The following LMO7 variants were observed in gnomAD, a reference collection of about 807,000 sequenced individuals.
LMO7 encodes LIM domain only protein 7.
Under a neutral mutation model 206.5 loss-of-function variants are expected in LMO7, and 120 were observed. The observed-to-expected ratio is 0.58, with a 90% CI of 0.50 to 0.68. The LOEUF is 0.68. Ranked by LOEUF, LMO7 falls within the 30% of genes least tolerant of loss-of-function variation. The pLI, the probability that LMO7 is intolerant of heterozygous loss-of-function variation, is 0.00. For synonymous variants in LMO7, 706 were observed against 681.5 expected (o/e 1.04, Z -0.56); for missense variants, 1,959 against 1,957.9 (o/e 1.00, Z -0.01).
intron 4 of LMO7, among the ~76,000 whole-genome samples, chr13:75,777,890 C>T (rs923168576): frequency 4.6e-5 from 7 of 152,098 alleles, no homozygotes; most frequent in Non-Finnish European, 8.8e-5. Context: ...CGTGATCCGC[C>T]CGCCTCGGCC....
chr13:75,836,234 G>GA (rs1307427985), intron 18 of LMO7, among the ~76,000 whole-genome samples, 163 bp from the exon 19 acceptor site: 1 of 152,190 alleles, frequency 6.6e-6, no homozygotes, highest in Middle Eastern at 3.4e-3. Flanking sequence ...GAAGTATAAT[G>GA]AAAAAACTTA....
chr13:75,678,628 T>G (rs1230289869), intron 1 of LMO7, among the ~76,000 whole-genome samples: 1 of 152,194 alleles, frequency 6.6e-6, no homozygotes, highest in African/African-American at 2.4e-5. Flanking sequence ...CCCTCACACC[T>G]CTTCGGTGAG....
chr13:75,843,505 A>G (rs957786555), intron 25 of LMO7, among the ~76,000 whole-genome samples: 1 of 152,210 alleles, frequency 6.6e-6, no homozygotes, highest in Non-Finnish European at 1.5e-5. Context: ...CATAATCTTC[A>G]TTTTAAAAAG....
At position 75,727,075 on chromosome 13, in the gene LMO7, CTG is replaced by C. The variant is rs767634471; in HGVS notation, c.189_190del (p.Ser64TyrfsTer8). On this transcript the variant is annotated frameshift_variant, in exon 3 of 31. Coordinates refer to ENST00000377534, the MANE Select transcript of LMO7 (RefSeq NM_001306080.2). LOFTEE classifies it high-confidence loss of function. Reference sequence around the variant, plus strand: ...TGGCGTCATTAAGAAGATCAATAGACTGTCTACACCAATAGCAGGATTGGTAA... The same window carrying C: ...TGGCGTCATTAAGAAGATCAATAGACTCTACACCAATAGCAGGATTGGTAA... Reference protein sequence around the residue: ...KPGVIKKINRLSTPIAGLDNI... With the variant: ...KPGVIKKINRXSTPIAGLDNI... 1.3e-6 allele frequency: 2 copies of C among 1,585,078 alleles called. No individual in the cohort carries two copies. Among genetic ancestry groups the C allele is most frequent in the African/African-American group, 2.7e-5 (2 of 74,198 alleles).
chr13:75,737,813 G>A (rs1183504681), intron 3 of LMO7, among the ~76,000 whole-genome samples: 16 of 26,258 alleles, frequency 6.1e-4, no homozygotes, highest in Admixed American at 1.7e-3. Flanking sequence ...TTTTTACTTT[G>A]AAATAAATAT....
intron 4 of LMO7, among the ~76,000 whole-genome samples, chr13:75,787,578 A>G (rs1019768694): frequency 1.3e-5 from 2 of 152,200 alleles, no homozygotes; most frequent in African/African-American, 4.8e-5. Flanking sequence ...TGAATTTCTA[A>G]GTTTTTTTCT....
Position 75,805,768 on chromosome 13 carries a change from G to T in LMO7, c.1196+8G>T. 1 of 1,611,814 alleles carries T rather than the reference G, an allele frequency of 6.2e-7. No individual in the cohort carries two copies. The highest frequency in any genetic ancestry group is 1.1e-5 in the South Asian group (1 of 90,890). Reference sequence around the variant, plus strand: ...AGAATTTCAGGGATTCAGGTTTGTCGTTGTGCATGTTTCTGTCACACCAGT... The same window carrying T: ...AGAATTTCAGGGATTCAGGTTTGTCTTTGTGCATGTTTCTGTCACACCAGT... On this transcript the variant is annotated splice_region_variant and intron_variant, in intron 9 of 30. Coordinates refer to ENST00000377534, the MANE Select transcript of LMO7 (RefSeq NM_001306080.2).
intron 26 of LMO7, among the ~76,000 whole-genome samples, chr13:75,848,790 G>T (rs1355728233): frequency 6.6e-6 from 1 of 152,210 alleles, no homozygotes; most frequent in Non-Finnish European, 1.5e-5. Flanking sequence ...GGGATTGCTG[G>T]ATCAAATGGT....
intron 2 of LMO7, among the ~76,000 whole-genome samples, chr13:75,623,524 AG>A (rs2033618182): frequency 6.6e-6 from 1 of 151,880 alleles, no homozygotes; most frequent in East Asian, 1.9e-4. Context: ...CCACCATACC[AG>A]GCAAGTTTTT....
intron 15 of LMO7, among the ~76,000 whole-genome samples, chr13:75,831,530 T>A (rs2058667410): frequency 6.6e-6 from 1 of 152,158 alleles, no homozygotes; most frequent in African/African-American, 2.4e-5. Context: ...AAGAGGAGGT[T>A]TATTTGGCTC....
chr13:75,801,722 A>G (rs1007006184), intron 7 of LMO7, among the ~76,000 whole-genome samples: 3 of 152,198 alleles, frequency 2.0e-5, no homozygotes, highest in African/African-American at 2.4e-5. Context: ...ATCGACATCA[A>G]TGTGAAAACA....
intron 1 of LMO7, among the ~76,000 whole-genome samples, chr13:75,699,345 G>A (rs182047261): frequency 9.2e-5 from 14 of 151,718 alleles, no homozygotes; most frequent in Admixed American, 8.5e-4. Flanking sequence ...AGTTTGAGGT[G>A]TGACAACCAA....
intron 1 of LMO7, among the ~76,000 whole-genome samples, chr13:75,711,594 G>A (rs556639997): frequency 1.3e-5 from 2 of 152,130 alleles, no homozygotes; most frequent in Admixed American, 1.3e-4. Flanking sequence ...GCCCTGCTTC[G>A]GCTCACGCTC....
chr13:75,706,477 A>G (rs2042664052), intron 1 of LMO7, among the ~76,000 whole-genome samples: 1 of 152,320 alleles, frequency 6.6e-6, no homozygotes, highest in Non-Finnish European at 1.5e-5. Flanking sequence ...TGCAGTACAA[A>G]TGTTTTATAA....
intron 1 of LMO7, among the ~76,000 whole-genome samples, chr13:75,678,803 A>G (rs1016387241): frequency 6.6e-6 from 1 of 152,216 alleles, no homozygotes; most frequent in Non-Finnish European, 1.5e-5. Context: ...TAGATGTTCC[A>G]TGATTAACGT....
chr13:75,681,183 A>G (rs1044472820), intron 1 of LMO7, among the ~76,000 whole-genome samples: 1 of 152,096 alleles, frequency 6.6e-6, no homozygotes, highest in Non-Finnish European at 1.5e-5. Flanking sequence ...CCATTTGCCA[A>G]TTCTTACTTT....
At chr13:75,721,899 G>T (rs2044052776) in intron 2 of LMO7, among the ~76,000 whole-genome samples, 1 of 152,138 alleles carries the variant, frequency 6.6e-6, no homozygotes, top group Admixed American at 6.5e-5. Context: ...CAGAAATAAA[G>T]CCAAGTATTT....
At chr13:75,841,332 A>G in intron 23 of LMO7, 131 bp downstream of exon 23, 1 of 650,488 alleles carries the variant, frequency 1.5e-6, no homozygotes, top group Non-Finnish European at 2.7e-6. Context: ...TTTGAAAAAT[A>G]CAATGAGCTC....
At chr13:75,843,237 T>C (rs187354081) in intron 25 of LMO7, among the ~76,000 whole-genome samples, 1 of 152,322 alleles carries the variant, frequency 6.6e-6, no homozygotes, top group East Asian at 1.9e-4. Flanking sequence ...GGCTGTCAGC[T>C]GGGGCTGTGA....
Sources: allele counts gnomAD v4.1 joint callset (sites outside exome capture counted in the v4.1 genomes callset), GRCh38; gene constraint gnomAD v4.1.1; transcripts MANE v1.5; gene names NCBI Gene and HGNC (gene_info 2026-07-23, HGNC 2026-07-21).